Variants in RPS6KA1 observed in about 807,000 individuals in gnomAD.
The protein encoded by RPS6KA1 is ribosomal protein S6 kinase A1, also known as ribosomal protein S6 kinase alpha-1.
RPS6KA1 carries 48 observed loss-of-function variants against 91.3 expected under a neutral mutation model. That is an observed-to-expected ratio of 0.53 (90% CI 0.42 to 0.67). The LOEUF (loss-of-function observed/expected upper bound fraction) is 0.67. Among genes scored for constraint, RPS6KA1 ranks in the 30% least tolerant of loss-of-function variants. The pLI, the probability that RPS6KA1 is intolerant of heterozygous loss-of-function variation, is 0.00. For synonymous variants in RPS6KA1, 359 were observed against 384.7 expected, an observed-to-expected ratio of 0.93 and a Z score of 0.78; for missense variants, 719 against 960.5, an observed-to-expected ratio of 0.75 and a Z score of 3.32.
In RPS6KA1 at chr1:26,564,245, T is replaced by A. The variant is rs188236218; in HGVS notation, c.1590+2582T>A. Among the ~76,000 whole-genome samples the A allele has an allele frequency of 3.4e-3, 512 of 152,314 alleles. 1 individual carries two copies. Among genetic ancestry groups the A allele is most frequent in the Admixed American group, 8.9e-3 (136 of 15,294 alleles). On this transcript the variant is annotated intron_variant, in intron 17 of 21. Coordinates refer to ENST00000374168, the MANE Select transcript of RPS6KA1 (RefSeq NM_002953.4). The stretch of plus-strand genomic sequence containing the variant: ...CTGCCTACCTTTTTAAATTTAATTT[T>A]ATTTAATTAATTAATTTACTTATTT...
chr1:26,533,187 C>G (rs1025160227), intron 1 of RPS6KA1, among the ~76,000 whole-genome samples: 1 of 152,188 alleles, frequency 6.6e-6, no homozygotes, highest in Non-Finnish European at 1.5e-5. Context: ...TCAAGTGATT[C>G]TCCTGCTTCA....
chr1:26,541,894 G>C (rs969573886), intron 2 of RPS6KA1, among the ~76,000 whole-genome samples: 2 of 152,244 alleles, frequency 1.3e-5, no homozygotes. Flanking sequence ...AGGCCTGGGG[G>C]CTCTGGGCTT....
Position 26,574,139 on chromosome 1 carries a change from C to T in RPS6KA1, c.2146C>T (p.Pro716Ser). The T allele has an allele frequency of 6.2e-7, 1 of 1,614,120 alleles. No homozygotes were observed. Among genetic ancestry groups the T allele is most frequent in the South Asian group, 1.1e-5 (1 of 91,082 alleles). The change falls in exon 22 of 22, where the codon CCC becomes TCC. Residue 716 changes from proline (P) to serine (S), a missense_variant. By Grantham distance (74) the Pro-to-Ser change is moderately conservative. Around this residue, in one of 5 missense-constraint regions of RPS6KA1, gnomAD observed 249 missense variants for 323.1 expected, o/e 0.77. Transcript: ENST00000374168. The surrounding 1 kb of genome is among the most constrained non-coding windows in gnomAD (Gnocchi z 4.3). ...NSSKPTPQLK[P>S]IESSILAQRR... is the part of the protein sequence containing the mutation. ...CTCCAAGCCCACCCCCCAGCTGAAG[C>T]CCATCGAGTCATCCATCCTGGCCCA...
In RPS6KA1 at chr1:26,551,332, G is replaced by A. The variant is rs974270607; in HGVS notation, c.308-65G>A. The A allele has an allele frequency of 1.6e-5, 23 of 1,408,920 alleles. No individual in the cohort carries two copies. Among genetic ancestry groups the A allele is most frequent in the African/African-American group, 1.3e-4 (9 of 70,944 alleles). 87.3% of individuals were successfully genotyped at this position (1,408,920 alleles called of 1,614,324 possible). On this transcript the variant is annotated intron_variant, in intron 4 of 21. Coordinates refer to ENST00000374168, the MANE Select transcript of RPS6KA1 (RefSeq NM_002953.4). The surrounding 1 kb of genome is among the most constrained non-coding windows in gnomAD (Gnocchi z 4.5). ...ACAAGTGGAAAAGAGATCCCTTAGC[G>A]GGGGCTTGGGAGTGGCTGTGTTGAG...
rs566279532 is a variant in RPS6KA1 at position 26,551,753 on chromosome 1, C to T, written c.468+30C>T. ...GCTGACATCTACTGCCAGAGGGCCC[C>T]GGGATGGAGCTGAGGGACGACAAGT... is the stretch of plus-strand genomic sequence containing the variant. On this transcript the variant is annotated intron_variant, in intron 6 of 21. Transcript: ENST00000374168. The surrounding 1 kb of genome is among the most constrained non-coding windows in gnomAD (Gnocchi z 4.5). The T allele has an allele frequency of 3.1e-5, 49 of 1,576,552 alleles. No individual in the cohort carries two copies. Among genetic ancestry groups the T allele is most frequent in the South Asian group, 2.8e-4 (25 of 90,272 alleles).
intron 1 of RPS6KA1, among the ~76,000 whole-genome samples, chr1:26,536,073 G>A (rs61133626): frequency 0.032 from 4,749 of 149,100 alleles, 236 homozygotes; most frequent in African/African-American, 0.11. Flanking sequence ...AGAATCGCTT[G>A]AACCTGGGAG....
chr1:26,574,292 G>A lies in RPS6KA1; in HGVS notation c.*91G>A. 1 of 1,545,028 alleles carries A rather than the reference G, an allele frequency of 6.5e-7. No individual in the cohort carries two copies. On this transcript the variant is annotated 3_prime_UTR_variant, in exon 22 of 22. Transcript: ENST00000374168. The surrounding 1 kb of genome is among the most constrained non-coding windows in gnomAD (Gnocchi z 4.3). ...AGCAGGCCGGAACCACAGGGCCAGA[G>A]GGAGCTGGAACCCGAGGGGCCGGGG...
At chr1:26,567,450 G>A (rs1013911507) in intron 17 of RPS6KA1, among the ~76,000 whole-genome samples, 3 of 152,060 alleles carry the variant, frequency 2.0e-5, no homozygotes, top group East Asian at 1.9e-4. Flanking sequence ...GCGCAGTCTC[G>A]GCTCACTGCA....
At position 26,540,716 on chromosome 1, in the gene RPS6KA1, C is replaced by T. The variant is rs936094150; in HGVS notation, c.108+3747C>T. On this transcript the variant is annotated intron_variant, in intron 2 of 21. Transcript: ENST00000374168. This position sits in a 1 kb window ranked among gnomAD's most constrained non-coding sequence, Gnocchi z 4.2. ...TCAGCTACCGGAGTAGCTGGGACTA[C>T]AGGCGCACGCCACTATGCCCAGCCA... is the stretch of plus-strand genomic sequence containing the variant. Among the ~76,000 whole-genome samples, 3 of 152,216 alleles carry T rather than the reference C, an allele frequency of 2.0e-5. No homozygotes were observed. Among genetic ancestry groups the T allele is most frequent in the East Asian group, 3.8e-4 (2 of 5,196 alleles).
In RPS6KA1 at chr1:26,560,858, C is replaced by A; in HGVS notation, c.1341+7C>A. 1 of 1,614,170 alleles carries A rather than the reference C, an allele frequency of 6.2e-7. No individual in the cohort carries two copies. The highest frequency in any genetic ancestry group is 1.7e-5 in the Admixed American group (1 of 60,028). ...CATGGAGTATGCTGTCAAGGTGGGC[C>A]TCCTGACCACGTCTCGGCCAAGGCT... On this transcript the variant is annotated splice_region_variant and intron_variant, in intron 15 of 21. Coordinates refer to ENST00000374168, the MANE Select transcript of RPS6KA1 (RefSeq NM_002953.4).
rs766786231 is a variant in RPS6KA1 at position 26,574,421 on chromosome 1, A to G, written c.*220A>G. On this transcript the variant is annotated 3_prime_UTR_variant, in exon 22 of 22. Coordinates refer to ENST00000374168, the MANE Select transcript of RPS6KA1 (RefSeq NM_002953.4). The surrounding 1 kb of genome is among the most constrained non-coding windows in gnomAD (Gnocchi z 4.3). ...AGGCTCTGCTGGTGGAAAGCGATTC[A>G]CTGTATAAACTTTTTTTTATGAAAA... 14 of 757,640 alleles carry G rather than the reference A, an allele frequency of 1.8e-5. No individual in the cohort carries two copies. The highest frequency in any genetic ancestry group is 2.9e-5 in the Non-Finnish European group (12 of 407,170). 46.9% of individuals were successfully genotyped at this position (757,640 alleles called of 1,614,324 possible). A position where few individuals can be genotyped will look rare whatever the true frequency, so the allele number is the denominator to read the frequency against.
In RPS6KA1 at chr1:26,571,864, G is replaced by A; in HGVS notation, c.1768G>A (p.Gly590Ser). 6 of 1,610,372 alleles carry A rather than the reference G, an allele frequency of 3.7e-6. No individual in the cohort carries two copies. Among genetic ancestry groups the A allele is most frequent in the African/African-American group, 1.3e-5 (1 of 75,040 alleles). ...CTGTTGCCAGGTGCTGAAGCGCCAG[G>A]GCTACGATGAAGGCTGCGACATCTG... ...FVAPEVLKRQGYDEGCDIWSL... is the reference protein window; with the variant it reads ...FVAPEVLKRQSYDEGCDIWSL... Residue 590 changes from glycine (G) to serine (S), a missense_variant, in exon 19 of 22, where the codon GGC becomes AGC. Physicochemically the swap from Gly to Ser is moderately conservative, Grantham distance 56 (BLOSUM62 0). Coordinates refer to ENST00000374168, the MANE Select transcript of RPS6KA1 (RefSeq NM_002953.4). This position sits in a 1 kb window ranked among gnomAD's most constrained non-coding sequence, Gnocchi z 5.1.
rs748764001 is a variant in RPS6KA1, at chr1:26,562,825, C to CTTTTTTTTTTTTTTTT, written c.1590+1174_1590+1189dup. Among the ~76,000 whole-genome samples the CTTTTTTTTTTTTTTTT allele has an allele frequency of 1.2e-4, 10 of 81,432 alleles. 1 individual carries two copies. Among genetic ancestry groups the CTTTTTTTTTTTTTTTT allele is most frequent in the African/African-American group, 5.1e-4 (10 of 19,714 alleles). The allele number at this position is 81,432 out of a possible 152,430, so 53.4% of individuals were successfully genotyped here. ...ATAGACACATTTTTCTCCTATTGTC[C>CTTTTTTTTTTTTTTTT]TTTTTTTTTTTTTTTTTTTTTTTTT... On this transcript the variant is annotated intron_variant, in intron 17 of 21. Transcript: ENST00000374168.
At position 26,529,811 on chromosome 1, in the gene RPS6KA1, G is replaced by A; in HGVS notation, c.-110G>A. On this transcript the variant is annotated 5_prime_UTR_variant, in exon 1 of 22. Coordinates refer to ENST00000374168, the MANE Select transcript of RPS6KA1 (RefSeq NM_002953.4). This position sits in a 1 kb window ranked among gnomAD's most constrained non-coding sequence, Gnocchi z 4.2. ...GGCGGACGGCCCAGCCGGAGCGCGA[G>A]GGGCTCGGGGGGGCGCGGCGGTTCG... is the stretch of plus-strand genomic sequence containing the variant. 1.3e-6 allele frequency: 1 copy of A among 780,166 alleles called. No individual in the cohort carries two copies. Among genetic ancestry groups the A allele is most frequent in the South Asian group, 5.4e-5 (1 of 18,556 alleles). 48.3% of individuals were successfully genotyped at this position (780,166 alleles called of 1,614,324 possible).
Position 26,530,001 on chromosome 1 carries a change from G to GGGACGGGCGCCCGCGGCCGGC in RPS6KA1, c.63+20_63+40dup. 7.5e-7 allele frequency: 1 copy of GGGACGGGCGCCCGCGGCCGGC among 1,337,892 alleles called. No homozygotes were observed. The highest frequency in any genetic ancestry group is 9.6e-7 in the Non-Finnish European group (1 of 1,044,054). 82.9% of individuals were successfully genotyped at this position (1,337,892 alleles called of 1,614,324 possible). On this transcript the variant is annotated intron_variant, in intron 1 of 21. Coordinates refer to ENST00000374168, the MANE Select transcript of RPS6KA1 (RefSeq NM_002953.4). ...ACCCGGAGGTGAGTGAGCGGGGCGGGGGACGGGCGCCCGCGGCCGGCGAGC... is the reference window on the plus strand; with the variant it reads ...ACCCGGAGGTGAGTGAGCGGGGCGGGGGACGGGCGCCCGCGGCCGGCGGACGGGCGCCCGCGGCCGGCGAGC...
In RPS6KA1 at chr1:26,574,484, T is replaced by C. The variant is rs1234622439; in HGVS notation, c.*283T>C. ...CCACCATGGATTTTTACAAGATCCA[T>C]TTGCCTTTCTGGGAGCAGAAACAGC... On this transcript the variant is annotated 3_prime_UTR_variant, in exon 22 of 22. Coordinates refer to ENST00000374168, the MANE Select transcript of RPS6KA1 (RefSeq NM_002953.4). This position sits in a 1 kb window ranked among gnomAD's most constrained non-coding sequence, Gnocchi z 4.3. 3.5e-6 allele frequency: 2 copies of C among 576,830 alleles called. No individual in the cohort carries two copies. The highest frequency in any genetic ancestry group is 3.0e-5 in the South Asian group (2 of 67,160). 35.7% of individuals were successfully genotyped at this position (576,830 alleles called of 1,614,324 possible). A position where few individuals can be genotyped will look rare whatever the true frequency, so the allele number is the denominator to read the frequency against.
chr1:26,565,527 C>T (rs1175219830), intron 17 of RPS6KA1, among the ~76,000 whole-genome samples: 3 of 142,330 alleles, frequency 2.1e-5, no homozygotes, highest in East Asian at 4.4e-4. Context: ...TTATTTTGCC[C>T]GTTTTTGAAT....
chr1:26,548,905 G>A (rs545371797), intron 4 of RPS6KA1, among the ~76,000 whole-genome samples: 73 of 151,964 alleles, frequency 4.8e-4, no homozygotes, highest in Non-Finnish European at 1.0e-3. Flanking sequence ...TAAAACAGAA[G>A]AAGGGGACCA....
chr1:26,568,084 A>G (rs984911881), intron 17 of RPS6KA1, among the ~76,000 whole-genome samples: 5 of 152,074 alleles, frequency 3.3e-5, no homozygotes, highest in African/African-American at 4.8e-5. Flanking sequence ...GATTTGAGGT[A>G]TGGTTTAGTA....
Sources: gnomAD v4.1 joint callset for allele counts (sites outside exome capture counted in the v4.1 genomes callset) on GRCh38, gnomAD v4.1.1 for gene constraint, gnomAD v4.1.1 regional missense constraint, Gnocchi (gnomAD v3.1) non-coding constraint, MANE v1.5 for transcripts, NCBI Gene and HGNC (gene_info 2026-07-23, HGNC 2026-07-21) for gene names.